CLIC5: variants seen among roughly 807,000 people sequenced by gnomAD.
CLIC5 encodes the protein chloride intracellular channel protein 5.
Under a neutral mutation model 24.7 loss-of-function variants are expected in CLIC5, and 20 were observed. That is an observed-to-expected ratio of 0.81 (90% CI 0.57 to 1.18). The LOEUF is 1.18. Among genes scored for constraint, CLIC5 ranks in the 50% most tolerant of loss-of-function variants. CLIC5 has a pLI of 0.00. For missense variants in CLIC5, 341 were observed against 326.1 expected, an observed-to-expected ratio of 1.05 and a Z score of -0.35; for synonymous variants, 159 against 135.6, an observed-to-expected ratio of 1.17 and a Z score of -1.20.
At chr6:46,099,306 G>A in the CLIC5 span, among the ~76,000 whole-genome samples, 1 of 152,210 alleles carries the variant, frequency 6.6e-6, no homozygotes. Context: ...TTTCAGGAAT[G>A]CTGTGGAATA....
intron 3 of CLIC5, among the ~76,000 whole-genome samples, chr6:45,947,316 T>G (rs1213077499): frequency 2.0e-5 from 3 of 152,046 alleles, no homozygotes; most frequent in Non-Finnish European, 4.4e-5. Flanking sequence ...CTAAAGGGCA[T>G]GTGAAGAATC....
At chr6:45,960,305 T>G (rs559717625) in intron 1 of CLIC5, among the ~76,000 whole-genome samples, 73 of 152,300 alleles carry the variant, frequency 4.8e-4, no homozygotes, top group African/African-American at 1.6e-3. Context: ...CCAGATGACA[T>G]TGAAGCTTGA....
chr6:45,996,028 C>A (rs1436678782), intron 1 of CLIC5, among the ~76,000 whole-genome samples: 1 of 151,652 alleles, frequency 6.6e-6, no homozygotes, highest in Non-Finnish European at 1.5e-5. Flanking sequence ...GGGCTTCATA[C>A]CCAGGTAATG....
At chr6:46,075,478 T>C (rs527362688) in intron 1 of CLIC5, among the ~76,000 whole-genome samples, 103 of 152,084 alleles carry the variant, frequency 6.8e-4, no homozygotes, top group African/African-American at 2.4e-3. Flanking sequence ...CCAGCTATTC[T>C]AGAGGCTGAG....
At chr6:46,072,370 T>C (rs1762632588) in intron 1 of CLIC5, among the ~76,000 whole-genome samples, 1 of 151,208 alleles carries the variant, frequency 6.6e-6, no homozygotes, top group South Asian at 2.3e-4. Flanking sequence ...CACTGATCAG[T>C]AGTGGCCAAG....
At chr6:45,941,474 T>C in intron 4 of CLIC5, 73 bp downstream of exon 4, 1 of 1,161,206 alleles carries the variant, frequency 8.6e-7, no homozygotes, top group Non-Finnish European at 1.3e-6. Flanking sequence ...GACATGCCTA[T>C]GGGCAAATTG....
At chr6:45,994,613 TA>T (rs370602050) in intron 1 of CLIC5, among the ~76,000 whole-genome samples, 238 of 151,838 alleles carry the variant, frequency 1.6e-3, no homozygotes, top group African/African-American at 5.6e-3. Context: ...GGACTTAAAG[TA>T]AAAAATAAAA....
chr6:46,049,488 G>A (rs976861454), intron 1 of CLIC5, among the ~76,000 whole-genome samples: 2 of 152,116 alleles, frequency 1.3e-5, no homozygotes, highest in Non-Finnish European at 2.9e-5. Flanking sequence ...GACAATGAAA[G>A]TACCCAACCA....
At position 45,960,717 on chromosome 6, in the gene CLIC5, C is replaced by A. The variant is rs184439215; in HGVS notation, c.64-5473G>T. The stretch of plus-strand genomic sequence containing the variant: ...TTGGTCACCCCCTTTGCAAGCCCCA[C>A]GTGTCCTGAAGGCCTTCTTCTCCAC... On this transcript the variant is annotated intron_variant, in intron 1 of 5. Coordinates refer to ENST00000339561, the MANE Select transcript of CLIC5 (RefSeq NM_016929.5). Among the ~76,000 whole-genome samples the A allele has an allele frequency of 2.0e-3, 304 of 152,352 alleles. 2 individuals are homozygous for A. The highest frequency in any genetic ancestry group is 0.012 in the South Asian group (56 of 4,828).
At chr6:46,107,133 G>T in the CLIC5 span, among the ~76,000 whole-genome samples, 1 of 151,966 alleles carries the variant, frequency 6.6e-6, no homozygotes, top group South Asian at 2.1e-4. Flanking sequence ...AAAGTTATTG[G>T]TAAAATATAA....
intron 1 of CLIC5, among the ~76,000 whole-genome samples, chr6:46,057,236 G>A (rs2127468336): frequency 6.6e-6 from 1 of 152,320 alleles, no homozygotes; most frequent in Middle Eastern, 3.4e-3. Context: ...GGGACCCAGG[G>A]GGAGGTAATT....
intron 1 of CLIC5, among the ~76,000 whole-genome samples, chr6:45,961,720 T>C (rs1484407544): frequency 6.6e-6 from 1 of 152,136 alleles, no homozygotes; most frequent in Admixed American, 6.5e-5. Flanking sequence ...TTAGCAGGGA[T>C]GGGACTTGGT....
At chr6:46,079,843 C>T in exon 1 of CLIC5, 1 of 1,552,208 alleles carries the variant, frequency 6.4e-7, no homozygotes, top group Non-Finnish European at 8.7e-7. Flanking sequence ...GAAGGCAGAT[C>T]TTCCTTCATC....
upstream of CLIC5, chr6:46,015,918 GGGCGGGGACGC>G: frequency 1.2e-5 from 12 of 1,004,728 alleles, no homozygotes; most frequent in South Asian, 9.3e-5. Flanking sequence ...GGGGTCAGCC[GGGCGGGGACGC>G]GGCGGGGACA....
chr6:46,010,060 G>A (rs923002443), intron 1 of CLIC5, among the ~76,000 whole-genome samples: 1 of 152,174 alleles, frequency 6.6e-6, no homozygotes, highest in Non-Finnish European at 1.5e-5. Context: ...CTCACTGCTT[G>A]TGTTCTCAGG....
intron 1 of CLIC5, among the ~76,000 whole-genome samples, chr6:45,974,682 T>C (rs1765329022): frequency 1.3e-5 from 2 of 151,782 alleles, no homozygotes; most frequent in Admixed American, 6.6e-5. Context: ...AGTCTTCATA[T>C]TTTCTTTATG....
chr6:46,022,738 C>A (rs1343983839), intron 1 of CLIC5, among the ~76,000 whole-genome samples: 1 of 152,212 alleles, frequency 6.6e-6, no homozygotes, highest in East Asian at 1.9e-4. Context: ...AAAACCATCA[C>A]TCATCCCACT....
chr6:45,888,480 G>A (rs1006362124), intron 6 of CLIC5, among the ~76,000 whole-genome samples: 1 of 152,154 alleles, frequency 6.6e-6, no homozygotes, highest in Admixed American at 6.5e-5. Context: ...TATGCTATAA[G>A]CTAGGTAAGG....
chr6:46,109,513 TAAAAAAAAAAAAAA>T, the CLIC5 span, among the ~76,000 whole-genome samples: 8 of 47,182 alleles, frequency 1.7e-4, no homozygotes, highest in East Asian at 4.4e-3. Flanking sequence ...CAGTCTCCAC[TAAAAAAAAAAAAAA>T]AAAAAAAAAA....
Sources: gnomAD v4.1 joint callset for allele counts (sites outside exome capture counted in the v4.1 genomes callset) on GRCh38, gnomAD v4.1.1 for gene constraint, MANE v1.5 for transcripts, NCBI Gene and HGNC (gene_info 2026-07-23, HGNC 2026-07-21) for gene names.